The following PRKCB variants were observed in gnomAD, a reference collection of about 807,000 sequenced individuals.
PRKCB encodes protein kinase C beta.
Under a neutral mutation model 81.5 loss-of-function variants are expected in PRKCB, and 13 were observed. The observed-to-expected ratio is 0.16, with a 90% CI of 0.10 to 0.25. The LOEUF (loss-of-function observed/expected upper bound fraction) is 0.25. PRKCB is among the 10% of genes least tolerant of loss of function. PRKCB has a pLI of 1.00. For missense variants in PRKCB, 509 were observed against 875.7 expected (o/e 0.58, Z 5.29); for synonymous variants, 335 against 321.4 (o/e 1.04, Z -0.45).
chr16:23,845,942 G>A (rs746048875), intron 2 of PRKCB, among the ~76,000 whole-genome samples: 2 of 152,154 alleles, frequency 1.3e-5, no homozygotes, highest in Non-Finnish European at 2.9e-5. Flanking sequence ...GAGAGAGCAC[G>A]GCATTTCAGT....
intron 16 of PRKCB, among the ~76,000 whole-genome samples, chr16:24,212,879 T>C (rs1312787563): frequency 6.6e-6 from 1 of 152,006 alleles, no homozygotes; most frequent in African/African-American, 2.4e-5. Flanking sequence ...ACTTTCTCTG[T>C]CTCAGTTCAT....
chr16:24,136,206 C>T (rs941964561), intron 9 of PRKCB, among the ~76,000 whole-genome samples: 2 of 151,912 alleles, frequency 1.3e-5, no homozygotes, highest in East Asian at 1.9e-4. Context: ...ACTGCTCTTC[C>T]GCAGCCTCTG....
intron 3 of PRKCB, among the ~76,000 whole-genome samples, chr16:24,010,105 C>G (rs1416030770): frequency 6.6e-6 from 1 of 152,162 alleles, no homozygotes; most frequent in Non-Finnish European, 1.5e-5. Flanking sequence ...TGAAAGGACA[C>G]ATAGCATCCT....
rs370325902 is a variant in PRKCB at position 23,918,684 on chromosome 16, A to G, written c.206-69824A>G. Among the ~76,000 whole-genome samples, 7 of 152,368 alleles carry G rather than the reference A, an allele frequency of 4.6e-5. No individual in the cohort carries two copies. In the South Asian group the frequency reaches 6.2e-4, roughly 14 times the overall value. On this transcript the variant is annotated intron_variant, in intron 2 of 16. Coordinates refer to ENST00000643927, the MANE Select transcript of PRKCB (RefSeq NM_002738.7). The stretch of plus-strand genomic sequence containing the variant: ...AGTGCTGGGATTACAGGCATGAGGC[A>G]CCATGCCAGGCCTTTTGTGTTACTT...
chr16:24,049,661 G>C (rs796752731), intron 5 of PRKCB, among the ~76,000 whole-genome samples: 1 of 152,148 alleles, frequency 6.6e-6, no homozygotes, highest in Non-Finnish European at 1.5e-5. Flanking sequence ...TCTAGAAGCT[G>C]AGAGAAAGAG....
rs112760669 is a variant in PRKCB, at chr16:24,002,740, C to T, written c.288+14150C>T. Among the ~76,000 whole-genome samples, 667 of 152,238 alleles carry T rather than the reference C, an allele frequency of 4.4e-3. 1 individual carries two copies. Among genetic ancestry groups the T allele is most frequent in the Non-Finnish European group, 5.8e-3 (395 of 68,020 alleles). The stretch of plus-strand genomic sequence containing the variant: ...CTTCATCTCTGGATGGGAAGAATAG[C>T]AAAGTCACATGGCCAAGGAGCATGC... On this transcript the variant is annotated intron_variant, in intron 3 of 16. Coordinates refer to ENST00000643927, the MANE Select transcript of PRKCB (RefSeq NM_002738.7).
intron 7 of PRKCB, among the ~76,000 whole-genome samples, chr16:24,108,999 C>A: frequency 6.9e-6 from 1 of 144,704 alleles, no homozygotes; most frequent in African/African-American, 2.6e-5. Flanking sequence ...CCCCACCTCC[C>A]TCCCGGACGG....
intron 7 of PRKCB, among the ~76,000 whole-genome samples, chr16:24,108,958 T>TG (rs1382360259): frequency 1.3e-3 from 169 of 129,462 alleles, no homozygotes; most frequent in East Asian, 4.5e-3. Context: ...ACTTCCCGGA[T>TG]GGGGGGGCTG....
chr16:23,913,039 G>C (rs181804169), intron 2 of PRKCB, among the ~76,000 whole-genome samples: 1 of 152,118 alleles, frequency 6.6e-6, no homozygotes, highest in African/African-American at 2.4e-5. Flanking sequence ...GGGCTTAAGC[G>C]ATCTGCCCAC....
intron 13 of PRKCB, among the ~76,000 whole-genome samples, chr16:24,184,339 TAC>T (rs1037527340): frequency 1.3e-5 from 2 of 151,830 alleles, no homozygotes; most frequent in Non-Finnish European, 2.9e-5. Flanking sequence ...TAGTCCCAAC[TAC>T]ACAGGAGGCT....
At chr16:24,031,579 A>G (rs935576472) in intron 3 of PRKCB, among the ~76,000 whole-genome samples, 2 of 152,236 alleles carry the variant, frequency 1.3e-5, no homozygotes, top group Non-Finnish European at 2.9e-5. Flanking sequence ...CTACTATTAA[A>G]GGGAAGAATG....
intron 5 of PRKCB, among the ~76,000 whole-genome samples, chr16:24,088,329 T>A (rs1453615129): frequency 6.6e-6 from 1 of 152,096 alleles, no homozygotes; most frequent in South Asian, 2.1e-4. Flanking sequence ...TGGTAGAGAA[T>A]AAGCTCAAAA....
rs140805405 is a variant in PRKCB, at chr16:23,851,318, A to G, written c.205+13912A>G. Among the ~76,000 whole-genome samples the G allele has an allele frequency of 1.7e-4, 26 of 152,292 alleles. No individual in the cohort carries two copies. In the East Asian group the frequency reaches 4.0e-3, roughly 24 times the overall value. The stretch of plus-strand genomic sequence containing the variant: ...TACATGTGGATATCCAGTTTTCCCA[A>G]CACCATTTACTGAAGAGACTGTCCT... On this transcript the variant is annotated intron_variant, in intron 2 of 16. Coordinates refer to ENST00000643927, the MANE Select transcript of PRKCB (RefSeq NM_002738.7).
chr16:24,077,181 T>C (rs1047456816), intron 5 of PRKCB, among the ~76,000 whole-genome samples: 2 of 152,028 alleles, frequency 1.3e-5, no homozygotes, highest in African/African-American at 4.8e-5. Context: ...AAGATGCACA[T>C]GCACGTGTGT....
At chr16:23,921,235 T>G (rs1027582716) in intron 2 of PRKCB, among the ~76,000 whole-genome samples, 1 of 152,170 alleles carries the variant, frequency 6.6e-6, no homozygotes, top group African/African-American at 2.4e-5. Context: ...GTAGAGGGCT[T>G]AAGAAAACCA....
chr16:24,026,795 A>G (rs9925126), intron 3 of PRKCB, among the ~76,000 whole-genome samples: 44,472 of 152,042 alleles, frequency 0.29, 6,587 homozygotes, highest in Middle Eastern at 0.4. Flanking sequence ...TCCTGGGAGA[A>G]GTGAAGGATG....
intron 12 of PRKCB, among the ~76,000 whole-genome samples, 155 bp from the exon 13 acceptor site, chr16:24,180,635 C>A (rs1967603772): frequency 6.6e-6 from 1 of 152,170 alleles, no homozygotes; most frequent in African/African-American, 2.4e-5. Flanking sequence ...ATCTCCCTGC[C>A]AGACTGTAAG....
intron 9 of PRKCB, 150 bp from the exon 10 acceptor site, chr16:24,154,534 G>A: frequency 1.4e-6 from 1 of 698,802 alleles, no homozygotes; most frequent in Non-Finnish European, 2.3e-6. Flanking sequence ...ATATAAAAGT[G>A]TGAAGTCAAT....
intron 8 of PRKCB, among the ~76,000 whole-genome samples, chr16:24,122,830 G>T (rs973363054): frequency 6.6e-6 from 1 of 152,162 alleles, no homozygotes; most frequent in African/African-American, 2.4e-5. Flanking sequence ...CCTGGCAGCT[G>T]CAGGTCTCCC....
Sources: allele counts gnomAD v4.1 joint callset (sites outside exome capture counted in the v4.1 genomes callset), GRCh38; gene constraint gnomAD v4.1.1; transcripts MANE v1.5; gene names NCBI Gene and HGNC (gene_info 2026-07-23, HGNC 2026-07-21).